PCDHA9: variants seen among roughly 807,000 people sequenced by gnomAD.
PCDHA9 encodes the protein protocadherin alpha-9.
Under a neutral mutation model 62.0 loss-of-function variants are expected in PCDHA9, and 62 were observed. The observed-to-expected ratio is 1.00, with a 90% confidence interval of 0.81 to 1.23. The LOEUF (loss-of-function observed/expected upper bound fraction) is 1.23. Among genes scored for constraint, PCDHA9 ranks in the 50% most tolerant of loss-of-function variants. The pLI is 0.00. For missense variants in PCDHA9, 1,205 were observed against 1,249.8 expected (o/e 0.96, Z 0.54); for synonymous variants, 557 against 567.6 (o/e 0.98, Z 0.27).
intron 1 of PCDHA9, among the ~76,000 whole-genome samples, chr5:140,910,353 A>G (rs938677700): frequency 1.1e-4 from 16 of 152,306 alleles, no homozygotes; most frequent in African/African-American, 3.8e-4. Context: ...TCTGCTGTCC[A>G]TTATGGTAGC....
At chr5:140,965,994 T>C (rs1377339531) in intron 1 of PCDHA9, among the ~76,000 whole-genome samples, 1 of 152,130 alleles carries the variant, frequency 6.6e-6, no homozygotes, top group Non-Finnish European at 1.5e-5. Context: ...TCTGCAGTAC[T>C]TAAGAGTGTC....
At chr5:140,978,420 G>A (rs1489182751) in intron 1 of PCDHA9, among the ~76,000 whole-genome samples, 3 of 152,220 alleles carry the variant, frequency 2.0e-5, no homozygotes, top group African/African-American at 7.2e-5. Flanking sequence ...AAAAGAGACT[G>A]TTATCAGTTG....
At chr5:140,911,384 C>T (rs2075446155) in intron 1 of PCDHA9, among the ~76,000 whole-genome samples, 1 of 152,134 alleles carries the variant, frequency 6.6e-6, no homozygotes, top group Non-Finnish European at 1.5e-5. Flanking sequence ...TGTGCATGCA[C>T]CTTTCATTGC....
At chr5:140,985,739 CTTTTTTTTTT>C (rs11372071) in intron 3 of PCDHA9, among the ~76,000 whole-genome samples, 1 of 117,922 alleles carries the variant, frequency 8.5e-6, no homozygotes, top group African/African-American at 3.2e-5. Context: ...TGATGAATTC[CTTTTTTTTTT>C]TTTTTTTTTT....
rs782468153 is a variant in PCDHA9, at chr5:140,858,011, G to A, written c.2394+7122G>A. ...ACTGGTGCTGGTGAAGGACCATGGCGAGCCGTCGCTGACGGCCACGGCCAC... is the reference window on the plus strand; with the variant it reads ...ACTGGTGCTGGTGAAGGACCATGGCAAGCCGTCGCTGACGGCCACGGCCAC... On this transcript the variant is annotated intron_variant, in intron 1 of 3. Transcript: ENST00000532602. 1.1e-5 allele frequency: 18 copies of A among 1,596,704 alleles called. 1 individual carries two copies. Among genetic ancestry groups the A allele is most frequent in the Non-Finnish European group, 1.5e-5 (17 of 1,167,106 alleles).
At chr5:140,901,643 G>A (rs1011127972) in intron 1 of PCDHA9, among the ~76,000 whole-genome samples, 7 of 151,908 alleles carry the variant, frequency 4.6e-5, no homozygotes, top group Non-Finnish European at 8.8e-5. Context: ...TGATTCTTCC[G>A]GTTTTGTTCT....
At chr5:140,877,209 G>C in intron 1 of PCDHA9, 1 of 1,613,794 alleles carries the variant, frequency 6.2e-7, no homozygotes, top group African/African-American at 1.3e-5. Context: ...CAGTTAGCGA[G>C]TTGGTACCGC....
At chr5:140,883,398 G>A (rs1421475221) in intron 1 of PCDHA9, 1 of 1,614,166 alleles carries the variant, frequency 6.2e-7, no homozygotes, top group Non-Finnish European at 8.5e-7. Flanking sequence ...GTGTCCGATC[G>A]TGACTCTGGC....
At position 140,969,365 on chromosome 5, in the gene PCDHA9, C is replaced by T. The variant is rs190730712; in HGVS notation, c.2395-9584C>T. The T allele has an allele frequency of 5.3e-5, 86 of 1,610,040 alleles. No homozygotes were observed. The African/African-American group carries it at 9.2e-4, about 17-fold the overall frequency. On this transcript the variant is annotated intron_variant, in intron 1 of 3. Transcript: ENST00000532602. ...GTGGTCAGGGGGTCTTCTACAAACT[C>T]ATGCATTTGTTACACATCCCCCAAT...
chr5:140,880,614 GGGA>G (rs2058396473), intron 1 of PCDHA9, among the ~76,000 whole-genome samples: 1 of 152,182 alleles, frequency 6.6e-6, no homozygotes, highest in South Asian at 2.1e-4. Context: ...GTAAGCAAGA[GGGA>G]GGAGTTAATT....
intron 1 of PCDHA9, among the ~76,000 whole-genome samples, chr5:140,935,193 G>A (rs782043966): frequency 3.3e-5 from 5 of 152,122 alleles, no homozygotes; most frequent in Non-Finnish European, 4.4e-5. Flanking sequence ...GTCAGTTGCT[G>A]TTTCTAGGTA....
intron 1 of PCDHA9, among the ~76,000 whole-genome samples, chr5:140,900,094 G>A (rs546671178): frequency 3.6e-4 from 55 of 152,150 alleles, no homozygotes; most frequent in East Asian, 2.3e-3. Context: ...ACAAGCATGC[G>A]CCACCATACC....
At chr5:140,895,137 G>A (rs1184479322) in intron 1 of PCDHA9, among the ~76,000 whole-genome samples, 2 of 152,072 alleles carry the variant, frequency 1.3e-5, no homozygotes, top group Non-Finnish European at 2.9e-5. Context: ...CAAGTTCATA[G>A]GGCTAAGACA....
intron 3 of PCDHA9, among the ~76,000 whole-genome samples, chr5:140,991,311 G>A (rs1036350235): frequency 3.3e-5 from 5 of 152,108 alleles, no homozygotes; most frequent in Admixed American, 2.0e-4. Context: ...ATCTTGTCCC[G>A]CATGATACAT....
intron 1 of PCDHA9, among the ~76,000 whole-genome samples, chr5:140,879,906 T>C (rs993531346): frequency 6.6e-6 from 1 of 152,214 alleles, no homozygotes; most frequent in Admixed American, 6.5e-5. Context: ...TCTCTCTCTA[T>C]GTGTTGGTTT....
Position 141,010,180 on chromosome 5 carries a change from AC to A in PCDHA9, c.*246del. The stretch of plus-strand genomic sequence containing the variant: ...CTTGTTTTCAGAACCTAAAAAGCAG[AC>A]CCAAGTTTCCTTTCTCCTCCGCCGC... On this transcript the variant is annotated 3_prime_UTR_variant, in exon 4 of 4. Coordinates refer to ENST00000532602, the MANE Select transcript of PCDHA9 (RefSeq NM_031857.2). 2 of 1,554,710 alleles carry A rather than the reference AC, an allele frequency of 1.3e-6. No individual in the cohort carries two copies. The highest frequency in any genetic ancestry group is 1.7e-6 in the Non-Finnish European group (2 of 1,148,310).
At chr5:140,938,796 C>T (rs563991147) in intron 1 of PCDHA9, among the ~76,000 whole-genome samples, 4 of 152,138 alleles carry the variant, frequency 2.6e-5, no homozygotes, top group East Asian at 3.9e-4. Context: ...ATGAAATAAT[C>T]GGTACCACAA....
chr5:140,878,658 G>T (rs139171755), intron 1 of PCDHA9, among the ~76,000 whole-genome samples: 120 of 152,200 alleles, frequency 7.9e-4, no homozygotes, highest in African/African-American at 2.7e-3. Flanking sequence ...ATATCCAGAG[G>T]CTTCTCTTTA....
At chr5:140,963,556 T>A (rs891498931) in intron 1 of PCDHA9, among the ~76,000 whole-genome samples, 28 of 152,238 alleles carry the variant, frequency 1.8e-4, no homozygotes, top group Non-Finnish European at 3.4e-4. Context: ...AAAAAGGGGC[T>A]GTTTTCTGGT....
Sources: gnomAD v4.1 joint callset for allele counts (sites outside exome capture counted in the v4.1 genomes callset) on GRCh38, gnomAD v4.1.1 for gene constraint, MANE v1.5 for transcripts, NCBI Gene and HGNC (gene_info 2026-07-23, HGNC 2026-07-21) for gene names.